CIMIP1: variants seen among roughly 807,000 people sequenced by gnomAD.
The protein encoded by CIMIP1 is low in lung cancer 1.
the CIMIP1 span, chr20:58,155,452 G>A: frequency 6.3e-7 from 1 of 1,599,816 alleles, no homozygotes; most frequent in East Asian, 2.2e-5. Context: ...TCCCATCTCT[G>A]GGGATTCTGT....
the CIMIP1 span, chr20:58,160,641 C>T: frequency 6.2e-7 from 1 of 1,606,968 alleles, no homozygotes; most frequent in African/African-American, 1.3e-5. Flanking sequence ...GTCACTAAAT[C>T]CCCTGTATTT....
the CIMIP1 span, among the ~76,000 whole-genome samples, chr20:58,159,849 A>G: frequency 6.6e-6 from 1 of 152,200 alleles, no homozygotes; most frequent in African/African-American, 2.4e-5. Context: ...GGAGTTCATC[A>G]AGAACATATG....
chr20:58,160,307 A>G, the CIMIP1 span, among the ~76,000 whole-genome samples: 1 of 152,238 alleles, frequency 6.6e-6, no homozygotes, highest in Non-Finnish European at 1.5e-5. Flanking sequence ...ACCTGCCGCA[A>G]TGCCATCTGA....
the CIMIP1 span, among the ~76,000 whole-genome samples, chr20:58,152,925 T>C: frequency 2.6e-5 from 4 of 152,110 alleles, no homozygotes; most frequent in African/African-American, 9.7e-5. Flanking sequence ...GGTAGGGATA[T>C]GCTGATATTG....
the CIMIP1 span, among the ~76,000 whole-genome samples, chr20:58,154,490 A>G: frequency 2.0e-5 from 3 of 152,236 alleles, no homozygotes; most frequent in Non-Finnish European, 2.9e-5. Flanking sequence ...TTAAAACACC[A>G]CATCAGTCAA....
the CIMIP1 span, among the ~76,000 whole-genome samples, chr20:58,158,229 G>C: frequency 6.6e-6 from 1 of 152,190 alleles, no homozygotes; most frequent in Non-Finnish European, 1.5e-5. Context: ...TAGGAGCAAG[G>C]GCCAGCTCTT....
At chr20:58,159,239 G>T in the CIMIP1 span, among the ~76,000 whole-genome samples, 2 of 141,828 alleles carry the variant, frequency 1.4e-5, no homozygotes, top group African/African-American at 2.7e-5. Flanking sequence ...TGCCAGGCTG[G>T]GCATGATGGC....
At chr20:58,152,904 C>T in the CIMIP1 span, among the ~76,000 whole-genome samples, 1 of 151,950 alleles carries the variant, frequency 6.6e-6, no homozygotes, top group Non-Finnish European at 1.5e-5. Context: ...CCAGGGTCTC[C>T]GAAACTGTGG....
At chr20:58,160,128 G>A in the CIMIP1 span, among the ~76,000 whole-genome samples, 1 of 152,240 alleles carries the variant, frequency 6.6e-6, no homozygotes, top group Non-Finnish European at 1.5e-5. Context: ...TGTCCAAGGA[G>A]TTGACAAATG....
chr20:58,152,212 G>A, the CIMIP1 span, among the ~76,000 whole-genome samples: 2 of 151,964 alleles, frequency 1.3e-5, no homozygotes, highest in East Asian at 3.9e-4. Flanking sequence ...GTCCCAATAG[G>A]AGATGCTGCC....
the CIMIP1 span, among the ~76,000 whole-genome samples, chr20:58,157,628 T>C: frequency 1.3e-5 from 2 of 151,748 alleles, no homozygotes; most frequent in Admixed American, 1.3e-4. Context: ...TGTGGATCTG[T>C]CATAATTTAT....
the CIMIP1 span, among the ~76,000 whole-genome samples, chr20:58,152,086 T>C: frequency 6.6e-6 from 1 of 152,248 alleles, no homozygotes; most frequent in African/African-American, 2.4e-5. Context: ...TATGTGTCTT[T>C]AAATTGTTTT....
At chr20:58,150,998 G>A in the CIMIP1 span, 2 of 1,609,054 alleles carry the variant, frequency 1.2e-6, no homozygotes, top group Non-Finnish European at 1.7e-6. Flanking sequence ...CGCGGCGGCT[G>A]AACGCATGAA....
At chr20:58,153,763 G>C in the CIMIP1 span, 4 of 661,588 alleles carry the variant, frequency 6.0e-6, no homozygotes, top group Non-Finnish European at 5.2e-6. Context: ...AAACCAGAAG[G>C]TTCCCGCCTT....
the CIMIP1 span, among the ~76,000 whole-genome samples, chr20:58,159,654 T>C: frequency 2.0e-5 from 3 of 152,214 alleles, no homozygotes; most frequent in Admixed American, 1.3e-4. Flanking sequence ...CTGCATTTCT[T>C]TTACAAGTTA....
At chr20:58,155,637 GT>G in the CIMIP1 span, 1 of 1,315,882 alleles carries the variant, frequency 7.6e-7, no homozygotes, top group South Asian at 1.3e-5. Context: ...ATAAGCCCCA[GT>G]GGAAACTGAT....
chr20:58,151,716 T>A, the CIMIP1 span, among the ~76,000 whole-genome samples: 1 of 151,766 alleles, frequency 6.6e-6, no homozygotes, highest in Non-Finnish European at 1.5e-5. Flanking sequence ...CCTGGCCAAA[T>A]TTTTTTTTAA....
chr20:58,156,500 G>A, the CIMIP1 span, among the ~76,000 whole-genome samples: 1 of 152,074 alleles, frequency 6.6e-6, no homozygotes. Flanking sequence ...GTGGAAAAGT[G>A]GGCAGGCTAG....
the CIMIP1 span, chr20:58,151,022 G>A: frequency 6.2e-7 from 1 of 1,607,476 alleles, no homozygotes; most frequent in South Asian, 1.1e-5. Flanking sequence ...TGTGGGTCAG[G>A]ATGAGATCTG....
Sources: gnomAD v4.1 joint callset for allele counts (sites outside exome capture counted in the v4.1 genomes callset) on GRCh38, gnomAD v4.1.1 for gene constraint, MANE v1.5 for transcripts, NCBI Gene and HGNC (gene_info 2026-07-23, HGNC 2026-07-21) for gene names.